The following BBS9 variants were observed in gnomAD, a reference collection of about 807,000 sequenced individuals.
BBS9 encodes protein PTHB1.
Under a neutral mutation model 117.7 loss-of-function variants are expected in BBS9, and 89 were observed. The ratio of observed to expected loss-of-function variants is 0.76; its 90% CI spans 0.64 to 0.90. The LOEUF (loss-of-function observed/expected upper bound fraction) is 0.90, where lower values mean the gene tolerates loss of function less well. Ranked by LOEUF, BBS9 falls within the 40% of genes least tolerant of loss-of-function variation. BBS9 has a pLI of 0.00. For synonymous variants in BBS9, 379 were observed against 370.9 expected, an observed-to-expected ratio of 1.02 and a Z score of -0.25; for missense variants, 982 against 1,042.2, an observed-to-expected ratio of 0.94 and a Z score of 0.80.
chr7:33,158,149 C>T (rs138624929), intron 4 of BBS9, among the ~76,000 whole-genome samples: 201 of 152,260 alleles, frequency 1.3e-3, no homozygotes, highest in Admixed American at 3.9e-3. Context: ...GACAGTCTTA[C>T]GTAATCTGAT....
chr7:33,467,197 T>TG (rs1311500470), intron 19 of BBS9, among the ~76,000 whole-genome samples: 2 of 152,126 alleles, frequency 1.3e-5, no homozygotes, highest in African/African-American at 4.8e-5. Context: ...GACTTGATTC[T>TG]GGGGGGAAAC....
At chr7:33,536,680 T>TCCCCCCCGCCCCC (rs1851433400) in intron 21 of BBS9, among the ~76,000 whole-genome samples, 4 of 143,400 alleles carry the variant, frequency 2.8e-5, no homozygotes, top group African/African-American at 5.1e-5. Context: ...TGATTCGGCC[T>TCCCCCCCGCCCCC]TCCCCCCGCC....
At chr7:33,537,327 C>T (rs1444892550) in intron 21 of BBS9, among the ~76,000 whole-genome samples, 1 of 152,202 alleles carries the variant, frequency 6.6e-6, no homozygotes, top group Non-Finnish European at 1.5e-5. Flanking sequence ...TCCCTGGCGT[C>T]CAGAGTTTGA....
At chr7:33,181,433 T>C (rs139510310) in intron 5 of BBS9, among the ~76,000 whole-genome samples, 7 of 152,356 alleles carry the variant, frequency 4.6e-5, no homozygotes, top group African/African-American at 1.4e-4. Context: ...TTGGAAATGC[T>C]GTTCGAGACA....
intron 21 of BBS9, among the ~76,000 whole-genome samples, chr7:33,598,400 A>G (rs943152507): frequency 6.6e-6 from 1 of 152,174 alleles, no homozygotes; most frequent in Non-Finnish European, 1.5e-5. Flanking sequence ...AAGAAGAGCC[A>G]AAGGAGACGT....
intron 21 of BBS9, among the ~76,000 whole-genome samples, chr7:33,634,459 G>T (rs1207053693): frequency 6.6e-6 from 1 of 152,180 alleles, no homozygotes; most frequent in East Asian, 1.9e-4. Flanking sequence ...TTGTTGTTAG[G>T]TTTAAATTGA....
chr7:33,291,040 G>T (rs1161023399), intron 9 of BBS9, among the ~76,000 whole-genome samples: 2 of 152,128 alleles, frequency 1.3e-5, no homozygotes, highest in South Asian at 4.1e-4. Context: ...GCAAAATAAA[G>T]TTCTCCTTAA....
intron 19 of BBS9, among the ~76,000 whole-genome samples, chr7:33,416,599 G>T (rs1315272186): frequency 6.6e-6 from 1 of 152,182 alleles, no homozygotes; most frequent in South Asian, 2.1e-4. Context: ...AGTGCCTGTT[G>T]TGTGCCAGAC....
chr7:33,521,663 A>C (rs934519856), intron 20 of BBS9, among the ~76,000 whole-genome samples: 1 of 152,126 alleles, frequency 6.6e-6, no homozygotes, highest in African/African-American at 2.4e-5. Flanking sequence ...TTTAAACTTA[A>C]GATGGCATAT....
chr7:33,465,372 G>T (rs530986624), intron 19 of BBS9, among the ~76,000 whole-genome samples: 1 of 151,964 alleles, frequency 6.6e-6, no homozygotes, highest in Non-Finnish European at 1.5e-5. Context: ...TGTGGTGGGT[G>T]GGGCACTGTG....
intron 19 of BBS9, among the ~76,000 whole-genome samples, chr7:33,408,659 T>A (rs1275324944): frequency 6.6e-6 from 1 of 152,218 alleles, no homozygotes; most frequent in Non-Finnish European, 1.5e-5. Context: ...TTGTGAATAA[T>A]GTGGTGATGA....
downstream of BBS9, among the ~76,000 whole-genome samples, chr7:33,609,982 A>G (rs1268570914): frequency 1.3e-5 from 2 of 152,018 alleles, no homozygotes; most frequent in African/African-American, 4.8e-5. Flanking sequence ...AATGCCTGCT[A>G]CAAGGGGAAG....
At chr7:33,304,064 GCGTCTCTGCCTGGCTGCC>G (rs1807228086) in intron 9 of BBS9, among the ~76,000 whole-genome samples, 1 of 149,168 alleles carries the variant, frequency 6.7e-6, no homozygotes, top group African/African-American at 2.5e-5. Flanking sequence ...GAAGTGAGGA[GCGTCTCTGCCTGGCTGCC>G]CATCATCTGG....
intron 5 of BBS9, among the ~76,000 whole-genome samples, chr7:33,212,901 G>T (rs749520037): frequency 6.6e-6 from 1 of 152,160 alleles, no homozygotes; most frequent in African/African-American, 2.4e-5. Context: ...CTGGAACTAG[G>T]CATTTGGTGA....
At chr7:33,527,039 T>A (rs1174388326) in intron 20 of BBS9, among the ~76,000 whole-genome samples, 1 of 151,220 alleles carries the variant, frequency 6.6e-6, no homozygotes, top group African/African-American at 2.4e-5. Context: ...TGTTGGGGGG[T>A]GCCTCCCAGT....
At chr7:33,220,367 T>C (rs1041581448) in intron 5 of BBS9, among the ~76,000 whole-genome samples, 5 of 152,190 alleles carry the variant, frequency 3.3e-5, no homozygotes, top group Admixed American at 2.6e-4. Context: ...CTTTTTGACT[T>C]TGACCCCTTG....
At chr7:33,454,702 T>C (rs1251316884) in intron 19 of BBS9, among the ~76,000 whole-genome samples, 6 of 152,210 alleles carry the variant, frequency 3.9e-5, no homozygotes, top group Admixed American at 6.5e-5. Flanking sequence ...GGATGTAGGC[T>C]TGTGCACACC....
intron 5 of BBS9, among the ~76,000 whole-genome samples, chr7:33,192,340 A>G (rs1354115940): frequency 3.3e-5 from 5 of 152,234 alleles, no homozygotes; most frequent in East Asian, 3.8e-4. Context: ...CAAGCTGCAA[A>G]TAGGAAAAGT....
chr7:33,458,906 G>A (rs1310143186), intron 19 of BBS9, among the ~76,000 whole-genome samples: 2 of 152,090 alleles, frequency 1.3e-5, no homozygotes, highest in African/African-American at 2.4e-5. Flanking sequence ...AGTTTAACTG[G>A]CAGGCTGTTG....
Sources: gnomAD v4.1 joint callset for allele counts (sites outside exome capture counted in the v4.1 genomes callset) on GRCh38, gnomAD v4.1.1 for gene constraint, MANE v1.5 for transcripts, NCBI Gene and HGNC (gene_info 2026-07-23, HGNC 2026-07-21) for gene names.